The following CAST variants were observed in gnomAD, a reference collection of about 807,000 sequenced individuals.
CAST encodes the protein MIR583 host.
Under a neutral mutation model 119.6 loss-of-function variants are expected in CAST, and 76 were observed. That is an observed-to-expected ratio of 0.64 (90% CI 0.53 to 0.77). CAST has a LOEUF of 0.77. CAST is among the 30% of genes least tolerant of loss of function. The pLI is 0.00. For missense variants in CAST, 953 were observed against 946.5 expected (o/e 1.01, Z -0.09); for synonymous variants, 319 against 331.6 (o/e 0.96, Z 0.41).
At chr5:96,748,468 CAAAAT>C (rs745760028) in intron 18 of CAST, 45 bp from the exon 19 acceptor site, 1 of 901,132 alleles carries the variant, frequency 1.1e-6, no homozygotes, top group East Asian at 2.7e-5. Flanking sequence ...TTTTTTTTTA[CAAAAT>C]AAAAAAGAGT....
the CAST span, among the ~76,000 whole-genome samples, chr5:96,018,136 C>T: frequency 1.4e-4 from 21 of 152,106 alleles, no homozygotes; most frequent in African/African-American, 4.3e-4. Flanking sequence ...TGTACATTGA[C>T]GTCATGCAGA....
the CAST span, among the ~76,000 whole-genome samples, chr5:96,504,755 C>G: frequency 1.2e-4 from 19 of 152,288 alleles, no homozygotes; most frequent in African/African-American, 4.6e-4. Context: ...CCAAAATTCC[C>G]TCTTGCCATT....
chr5:96,662,207 C>T (rs981040992), upstream of CAST: 1 of 500,526 alleles, frequency 2.0e-6, no homozygotes, highest in Admixed American at 4.5e-5. Flanking sequence ...AGGGCAGGAG[C>T]CCGGGTCCCT....
At chr5:96,392,027 T>C in the CAST span, 4 of 152,116 alleles carry the variant, frequency 2.6e-5, no homozygotes, top group East Asian at 1.9e-4. Context: ...ATGAACACAG[T>C]TGGAAAAAAA....
the CAST span, among the ~76,000 whole-genome samples, chr5:96,464,349 G>C: frequency 6.6e-6 from 1 of 151,934 alleles, no homozygotes; most frequent in Non-Finnish European, 1.5e-5. Flanking sequence ...AGTATTTACT[G>C]TCTGTGACAT....
chr5:96,527,419 A>AT (rs888472669), upstream of CAST, among the ~76,000 whole-genome samples: 1 of 151,890 alleles, frequency 6.6e-6, no homozygotes, highest in African/African-American at 2.4e-5. Context: ...GAGTCCCAAG[A>AT]TTTTTTTTCC....
upstream of CAST, among the ~76,000 whole-genome samples, chr5:96,522,794 TA>T (rs1303373759): frequency 6.6e-6 from 1 of 152,174 alleles, no homozygotes; most frequent in African/African-American, 2.4e-5. Context: ...AATTAGCTCT[TA>T]TCTTTAAAAT....
intron 1 of CAST, among the ~76,000 whole-genome samples, chr5:96,552,908 G>A (rs938556290): frequency 2.6e-5 from 4 of 152,118 alleles, no homozygotes; most frequent in African/African-American, 7.2e-5. Context: ...TGAAATTGAG[G>A]CAATAATTAA....
At chr5:96,417,905 A>T in the CAST span, among the ~76,000 whole-genome samples, 1 of 152,204 alleles carries the variant, frequency 6.6e-6, no homozygotes, top group Non-Finnish European at 1.5e-5. Flanking sequence ...ATGTACTTCC[A>T]GAAGTCACCA....
intron 31 of CAST, 131 bp downstream of exon 31, chr5:96,771,833 AC>A (rs1168239742): frequency 1.1e-5 from 6 of 548,132 alleles, no homozygotes; most frequent in Non-Finnish European, 2.0e-5. Flanking sequence ...TGAAATGCAT[AC>A]TGCAAGATCT....
At chr5:96,602,203 T>C (rs1369550503) in intron 1 of CAST, among the ~76,000 whole-genome samples, 2 of 152,214 alleles carry the variant, frequency 1.3e-5, no homozygotes, top group South Asian at 2.1e-4. Flanking sequence ...GAAACAGTAA[T>C]ATGACATGAC....
chr5:96,520,211 C>T, the CAST span, among the ~76,000 whole-genome samples: 2 of 152,190 alleles, frequency 1.3e-5, no homozygotes, highest in Non-Finnish European at 2.9e-5. Flanking sequence ...AGAGGTTTCT[C>T]ATTATTTCTA....
At chr5:96,549,778 C>A (rs1300789920) in intron 1 of CAST, among the ~76,000 whole-genome samples, 1 of 152,220 alleles carries the variant, frequency 6.6e-6, no homozygotes, top group Non-Finnish European at 1.5e-5. Flanking sequence ...ACCCATGGAG[C>A]CTTGCTCACT....
At chr5:96,431,086 C>T in the CAST span, among the ~76,000 whole-genome samples, 3 of 152,138 alleles carry the variant, frequency 2.0e-5, no homozygotes, top group Non-Finnish European at 4.4e-5. Context: ...TCAAGGAATA[C>T]ACAATTAAAT....
the CAST span, among the ~76,000 whole-genome samples, chr5:96,185,493 A>G: frequency 6.6e-6 from 1 of 152,114 alleles, no homozygotes; most frequent in Non-Finnish European, 1.5e-5. Flanking sequence ...TTTTACATTG[A>G]AGTCTTTAAG....
At position 96,740,080 on chromosome 5, in the gene CAST, G is replaced by C; in HGVS notation, c.841G>C (p.Glu281Gln). ...CTACATAGAGGAATTGGGTAAAAGA[G>C]AAGTCACAATTCCTCCAAAATATAG... ...STYIEELGKR[E>Q]VTIPPKYREL... The change falls in exon 12 of 32, where the codon GAA (glutamate) becomes CAA (glutamine). Residue 281 changes from glutamate to glutamine, a missense_variant. By Grantham distance (29) the Glu-to-Gln change is conservative. Coordinates refer to ENST00000675179, the MANE Select transcript of CAST (RefSeq NM_001750.7). The C allele has an allele frequency of 6.3e-7, 1 of 1,581,642 alleles. No homozygotes were observed.
chr5:96,514,178 A>T, the CAST span, among the ~76,000 whole-genome samples: 1 of 152,308 alleles, frequency 6.6e-6, no homozygotes, highest in East Asian at 1.9e-4. Flanking sequence ...AAGGACTTCA[A>T]CGCATATTTT....
intron 2 of CAST, among the ~76,000 whole-genome samples, chr5:96,681,504 C>T (rs1255166507): frequency 6.6e-6 from 1 of 151,854 alleles, no homozygotes; most frequent in Admixed American, 6.6e-5. Context: ...GAGGCCGAGG[C>T]GGGCGGATCA....
chr5:96,051,478 G>T, the CAST span, among the ~76,000 whole-genome samples: 102 of 152,280 alleles, frequency 6.7e-4, no homozygotes, highest in African/African-American at 2.3e-3. Context: ...TGGGGCTGGG[G>T]GTAACTGCCA....
Sources: allele counts gnomAD v4.1 joint callset (sites outside exome capture counted in the v4.1 genomes callset), GRCh38; gene constraint gnomAD v4.1.1; transcripts MANE v1.5; gene names NCBI Gene and HGNC (gene_info 2026-07-23, HGNC 2026-07-21).